Variants in C4orf50 observed in about 807,000 individuals in gnomAD.
C4orf50 encodes the protein chromosome 4 open reading frame 50.
Under a neutral mutation model 77.2 loss-of-function variants are expected in C4orf50, and 80 were observed. That is an observed-to-expected ratio of 1.04 (90% CI 0.87 to 1.25). The LOEUF is 1.25. C4orf50 is among the 50% of genes most tolerant of loss of function. The pLI, the probability that C4orf50 is intolerant of heterozygous loss-of-function variation, is 0.00. For missense variants in C4orf50, 1,257 were observed against 1,152.9 expected, an observed-to-expected ratio of 1.09 and a Z score of -1.31; for synonymous variants, 532 against 465.3, an observed-to-expected ratio of 1.14 and a Z score of -1.84.
chr4:5,962,762 C>T (rs1220958301), intron 33 of C4orf50, among the ~76,000 whole-genome samples: 2 of 152,174 alleles, frequency 1.3e-5, no homozygotes, highest in Non-Finnish European at 2.9e-5. Flanking sequence ...ATTTGGTGGG[C>T]CCTTTGTGGG....
At chr4:5,973,954 G>T in intron 30 of C4orf50, 113 bp from the exon 9 acceptor site, 1 of 855,838 alleles carries the variant, frequency 1.2e-6, no homozygotes, top group Non-Finnish European at 1.8e-6. Flanking sequence ...CCCCAGCCCT[G>T]CCTCAGCTCA....
downstream of C4orf50, among the ~76,000 whole-genome samples, chr4:5,952,262 AGAT>A (rs1718758285): frequency 6.6e-6 from 1 of 152,236 alleles, no homozygotes; most frequent in Admixed American, 6.5e-5. The surrounding 1 kb of genome is among the most constrained non-coding windows in gnomAD (Gnocchi z 4.4). Flanking sequence ...ATAGATAGAT[AGAT>A]AATAGATAGA....
At chr4:5,937,360 T>G (rs912416717) in intron 7 of C4orf50, among the ~76,000 whole-genome samples, 1 of 152,092 alleles carries the variant, frequency 6.6e-6, no homozygotes, top group South Asian at 2.1e-4. Context: ...AAGCCAAGAA[T>G]GCACTTTGAA....
At chr4:5,999,516 T>C in intron 25 of C4orf50, among the ~76,000 whole-genome samples, 1 of 152,196 alleles carries the variant, frequency 6.6e-6, no homozygotes, top group African/African-American at 2.4e-5. Flanking sequence ...TTTCTATGCC[T>C]CACTTCCCAG....
chr4:5,960,991 C>T (rs940508337), intron 33 of C4orf50, among the ~76,000 whole-genome samples: 12 of 152,138 alleles, frequency 7.9e-5, no homozygotes, highest in African/African-American at 1.7e-4. Flanking sequence ...ATACTAAAGC[C>T]GCTACCTGTC....
chr4:5,925,179 G>C (rs905919972), intron 7 of C4orf50, among the ~76,000 whole-genome samples: 1 of 152,066 alleles, frequency 6.6e-6, no homozygotes, highest in African/African-American at 2.4e-5. Context: ...GAAGAGAAGG[G>C]ACCAGCTGAT....
intron 7 of C4orf50, among the ~76,000 whole-genome samples, chr4:5,915,038 A>T (rs1342912240): frequency 6.6e-6 from 1 of 152,188 alleles, no homozygotes; most frequent in African/African-American, 2.4e-5. Context: ...ACCTAAAAAT[A>T]TTATCTTCAA....
At chr4:5,988,129 A>T (rs1265088071) in intron 28 of C4orf50, among the ~76,000 whole-genome samples, 2 of 152,184 alleles carry the variant, frequency 1.3e-5, no homozygotes, top group Non-Finnish European at 2.9e-5. Context: ...CCGGGATCAG[A>T]GCACCCAGGT....
At chr4:5,962,133 A>G (rs1719309152) in intron 33 of C4orf50, among the ~76,000 whole-genome samples, 1 of 152,204 alleles carries the variant, frequency 6.6e-6, no homozygotes, top group Non-Finnish European at 1.5e-5. Flanking sequence ...TTCCAGAGAA[A>G]CAGCCTGATG....
At chr4:5,997,363 G>A (rs1721641880) in intron 25 of C4orf50, among the ~76,000 whole-genome samples, 2 of 152,224 alleles carry the variant, frequency 1.3e-5, no homozygotes, top group East Asian at 3.8e-4. Flanking sequence ...TCGAGGAAGT[G>A]ACATCCAGCG....
intron 29 of C4orf50, among the ~76,000 whole-genome samples, chr4:5,976,372 C>T (rs1481460933): frequency 8.2e-5 from 12 of 146,586 alleles, no homozygotes; most frequent in African/African-American, 2.5e-4. Flanking sequence ...AGGAGAACGG[C>T]GTAAACCCAG....
At chr4:5,944,050 GTC>G (rs1011136619) in intron 7 of C4orf50, among the ~76,000 whole-genome samples, 46 of 152,178 alleles carry the variant, frequency 3.0e-4, no homozygotes, top group Non-Finnish European at 1.5e-4. Flanking sequence ...TCTGAACCCT[GTC>G]TCTCTTGCCA....
chr4:5,928,005 C>T (rs1577897563), intron 7 of C4orf50, among the ~76,000 whole-genome samples: 1 of 152,218 alleles, frequency 6.6e-6, no homozygotes, highest in East Asian at 1.9e-4. Flanking sequence ...AGGCCTGCCT[C>T]ACTCGCCTGA....
chr4:5,941,576 T>C (rs999867669), intron 7 of C4orf50, among the ~76,000 whole-genome samples: 1 of 152,224 alleles, frequency 6.6e-6, no homozygotes, highest in African/African-American at 2.4e-5. Context: ...CATTTCCTCA[T>C]GCCTGCAGTG....
At chr4:5,955,304 G>A (rs1435134949), downstream of C4orf50, among the ~76,000 whole-genome samples, 1 of 152,094 alleles carries the variant, frequency 6.6e-6, no homozygotes, top group Non-Finnish European at 1.5e-5. This position sits in a 1 kb window ranked among gnomAD's most constrained non-coding sequence, Gnocchi z 5.1. Flanking sequence ...ACCGAGGCGG[G>A]GAGAGGTGGG....
rs1387948414 is a variant in C4orf50 at position 5,899,255 on chromosome 4, T to C, written c.*2475-1067A>G. Reference sequence around the variant, plus strand: ...ATGCCGAAGACAAATCTACTTTTGTTTGCTTACCCAACTGGCAGATATATC... The same window carrying C: ...ATGCCGAAGACAAATCTACTTTTGTCTGCTTACCCAACTGGCAGATATATC... On this transcript the variant is annotated intron_variant, in intron 7 of 7. Transcript: ENST00000324058. 2.0e-5 allele frequency: 3 copies of C among 152,252 alleles called. No homozygotes were observed. In the East Asian group the frequency reaches 5.8e-4, roughly 29 times the overall value. 9.4% of individuals were successfully genotyped at this position (152,252 alleles called of 1,614,324 possible).
intron 7 of C4orf50, among the ~76,000 whole-genome samples, chr4:5,951,112 C>G (rs1033949236): frequency 2.0e-5 from 3 of 152,184 alleles, no homozygotes; most frequent in Admixed American, 1.3e-4. Flanking sequence ...ATCTTCTGGA[C>G]CAGAACTAGG....
In C4orf50 at chr4:6,015,284, C is replaced by T. The variant is rs753145175; in HGVS notation, c.287+2861G>A. 4.6e-5 allele frequency among the ~76,000 whole-genome samples: 7 copies of T among 152,016 alleles called. No homozygotes were observed. The highest frequency in any genetic ancestry group is 2.1e-4 in the South Asian group (1 of 4,814). Reference sequence around the variant, plus strand: ...CATGAGCGTGGGCCCAGATCCAATCCGACTGGGGTCCTTGTAAGAGGAGGA... The same window carrying T: ...CATGAGCGTGGGCCCAGATCCAATCTGACTGGGGTCCTTGTAAGAGGAGGA... On this transcript the variant is annotated intron_variant, in intron 23 of 33. Coordinates refer to ENST00000531445, the Ensembl canonical transcript of C4orf50. This position sits in a 1 kb window ranked among gnomAD's most constrained non-coding sequence, Gnocchi z 4.4.
chr4:6,002,014 C>T (rs991038820), intron 25 of C4orf50, among the ~76,000 whole-genome samples: 4 of 152,224 alleles, frequency 2.6e-5, no homozygotes, highest in Non-Finnish European at 4.4e-5. Context: ...TGCCACATAA[C>T]TTTGTGGAGT....
Sources: gnomAD v4.1 joint callset for allele counts (sites outside exome capture counted in the v4.1 genomes callset) on GRCh38, gnomAD v4.1.1 for gene constraint, Gnocchi (gnomAD v3.1) non-coding constraint, MANE v1.5 for transcripts, NCBI Gene and HGNC (gene_info 2026-07-23, HGNC 2026-07-21) for gene names.